The following MAML2 variants were observed in gnomAD, a reference collection of about 807,000 sequenced individuals.
MAML2 encodes mastermind-like protein 2.
In MAML2, 22 loss-of-function variants were observed where a neutral mutation model predicts 96.1. The observed-to-expected ratio is 0.23, with a 90% CI of 0.16 to 0.33. The LOEUF (loss-of-function observed/expected upper bound fraction) is 0.33. Among genes scored for constraint, MAML2 ranks in the 10% least tolerant of loss-of-function variants. MAML2 has a pLI of 1.00. For synonymous variants in MAML2, 561 were observed against 521.3 expected (o/e 1.08, Z -1.04); for missense variants, 1,367 against 1,392.4 (o/e 0.98, Z 0.29).
intron 1 of MAML2, among the ~76,000 whole-genome samples, chr11:96,323,150 T>C (rs1488834395): frequency 6.6e-6 from 1 of 150,962 alleles, no homozygotes; most frequent in South Asian, 2.1e-4. Flanking sequence ...ATGGAACTTA[T>C]CTTATTCACC....
intron 1 of MAML2, among the ~76,000 whole-genome samples, chr11:96,284,961 C>A (rs747598557): frequency 6.6e-6 from 1 of 152,048 alleles, no homozygotes; most frequent in Non-Finnish European, 1.5e-5. Context: ...TGAATTGTGC[C>A]GTATATGGCT....
intron 2 of MAML2, among the ~76,000 whole-genome samples, chr11:95,998,582 G>T (rs1052330590): frequency 4.6e-5 from 7 of 152,140 alleles, no homozygotes; most frequent in Non-Finnish European, 1.0e-4. Context: ...ATTGTGGGCA[G>T]TCTTATTAGG....
intron 1 of MAML2, among the ~76,000 whole-genome samples, chr11:96,227,212 G>GT (rs1862225647): frequency 6.6e-6 from 1 of 152,088 alleles, no homozygotes; most frequent in Admixed American, 6.5e-5. Context: ...ATTATATCAA[G>GT]TTTTCTGACT....
chr11:95,990,701 T>C (rs1187211905), intron 3 of MAML2, among the ~76,000 whole-genome samples: 1 of 152,178 alleles, frequency 6.6e-6, no homozygotes, highest in Non-Finnish European at 1.5e-5. Flanking sequence ...ATACCCTGCA[T>C]TTCTGACTCT....
At chr11:96,188,506 A>G (rs560946762) in intron 1 of MAML2, among the ~76,000 whole-genome samples, 64 of 152,338 alleles carry the variant, frequency 4.2e-4, no homozygotes, top group African/African-American at 1.5e-3. Flanking sequence ...GGGGTCCCAC[A>G]AGCAAAGAGA....
chr11:96,180,136 T>G (rs1861459785), intron 1 of MAML2, among the ~76,000 whole-genome samples: 1 of 151,072 alleles, frequency 6.6e-6, no homozygotes, highest in African/African-American at 2.4e-5. Flanking sequence ...AGACCTAGTG[T>G]GGGCAGTAGT....
At chr11:96,066,270 C>CATCGTGTT (rs1389257413) in intron 2 of MAML2, among the ~76,000 whole-genome samples, 3 of 152,166 alleles carry the variant, frequency 2.0e-5, no homozygotes, top group African/African-American at 4.8e-5. Context: ...TAAATAGTGT[C>CATCGTGTT]ATCGTGTTAA....
At chr11:96,309,128 C>T (rs937959892) in intron 1 of MAML2, among the ~76,000 whole-genome samples, 14 of 152,170 alleles carry the variant, frequency 9.2e-5, no homozygotes, top group African/African-American at 3.4e-4. Flanking sequence ...CTTGAAAGTT[C>T]TGGGTGAATG....
intron 1 of MAML2, among the ~76,000 whole-genome samples, chr11:96,137,064 T>C (rs1279414808): frequency 2.0e-5 from 3 of 152,142 alleles, no homozygotes; most frequent in Admixed American, 6.5e-5. Flanking sequence ...TCTCTTTCAG[T>C]GTCGTCAATT....
intron 1 of MAML2, among the ~76,000 whole-genome samples, chr11:96,123,853 C>G (rs1482661298): frequency 6.6e-6 from 1 of 152,190 alleles, no homozygotes; most frequent in South Asian, 2.1e-4. Context: ...GTAGGTGGAT[C>G]ACCTGAGGTC....
chr11:96,120,687 A>G (rs945495863), intron 1 of MAML2, among the ~76,000 whole-genome samples: 1 of 152,232 alleles, frequency 6.6e-6, no homozygotes, highest in Non-Finnish European at 1.5e-5. Flanking sequence ...GCAAATTGTC[A>G]GTTATTTTCC....
chr11:96,125,879 A>T (rs911091449), intron 1 of MAML2, among the ~76,000 whole-genome samples: 3 of 152,194 alleles, frequency 2.0e-5, no homozygotes, highest in African/African-American at 7.2e-5. Flanking sequence ...TTTATGGGAC[A>T]TTTACCTGCT....
intron 1 of MAML2, among the ~76,000 whole-genome samples, chr11:96,111,308 T>A (rs146949172): frequency 2.8e-4 from 43 of 150,990 alleles, no homozygotes; most frequent in African/African-American, 9.4e-4. Context: ...AGCAGAGAGA[T>A]TTTTTTTCTC....
intron 1 of MAML2, among the ~76,000 whole-genome samples, chr11:96,324,928 A>G (rs986483952): frequency 1.3e-5 from 2 of 152,196 alleles, no homozygotes; most frequent in African/African-American, 4.8e-5. Context: ...CCCACAAGAA[A>G]TACAGGTACC....
At chr11:96,035,467 G>A (rs1858696582) in intron 2 of MAML2, among the ~76,000 whole-genome samples, 1 of 152,182 alleles carries the variant, frequency 6.6e-6, no homozygotes, top group Admixed American at 6.5e-5. Flanking sequence ...AGGAGACTGG[G>A]TCTGTCAGGT....
At chr11:96,076,432 TCACA>T (rs57102762) in intron 2 of MAML2, among the ~76,000 whole-genome samples, 7,929 of 102,914 alleles carry the variant, frequency 0.077, 334 homozygotes, top group African/African-American at 0.14. Context: ...TCTCTCTCTC[TCACA>T]CACACACACA....
At chr11:96,056,328 G>A (rs1167421585) in intron 2 of MAML2, among the ~76,000 whole-genome samples, 1 of 142,178 alleles carries the variant, frequency 7.0e-6, no homozygotes, top group East Asian at 2.3e-4. Context: ...AAATTCTGAA[G>A]CATTTTAGAA....
chr11:96,041,539 AG>A (rs1484455003), intron 2 of MAML2, among the ~76,000 whole-genome samples: 1,826 of 151,194 alleles, frequency 0.012, 26 homozygotes, highest in African/African-American at 0.031. Context: ...GGAAGGAGGA[AG>A]GGAAAGAAAG....
intron 2 of MAML2, among the ~76,000 whole-genome samples, chr11:96,082,587 A>G (rs12271762): frequency 0.071 from 10,855 of 152,222 alleles, 832 homozygotes; most frequent in African/African-American, 0.18. Flanking sequence ...GTCGAGCCCC[A>G]GGAAATGATT....
Sources: gnomAD v4.1 joint callset for allele counts (sites outside exome capture counted in the v4.1 genomes callset) on GRCh38, gnomAD v4.1.1 for gene constraint, MANE v1.5 for transcripts, NCBI Gene and HGNC (gene_info 2026-07-23, HGNC 2026-07-21) for gene names.